AFG2A: variants seen among roughly 807,000 people sequenced by gnomAD.
The protein encoded by AFG2A is AAA ATPase AFG2A, also known as ATPase family gene 2 protein homolog A.
At chr4:123,197,934 G>A in the AFG2A span, among the ~76,000 whole-genome samples, 1 of 152,004 alleles carries the variant, frequency 6.6e-6, no homozygotes, top group African/African-American at 2.4e-5. Flanking sequence ...AACGTTAATA[G>A]AAACAGATTT....
chr4:122,987,226 C>T, the AFG2A span, among the ~76,000 whole-genome samples: 10 of 151,986 alleles, frequency 6.6e-5, no homozygotes, highest in Admixed American at 6.6e-4. Flanking sequence ...GAGCTGAAGA[C>T]TCTATTTTGA....
the AFG2A span, among the ~76,000 whole-genome samples, chr4:122,999,595 G>T: frequency 6.6e-6 from 1 of 151,632 alleles, no homozygotes; most frequent in Non-Finnish European, 1.5e-5. Flanking sequence ...TTTTTCTCAG[G>T]TTTGTCAAAG....
the AFG2A span, among the ~76,000 whole-genome samples, chr4:123,257,307 A>G: frequency 3.9e-5 from 6 of 152,320 alleles, no homozygotes; most frequent in Non-Finnish European, 8.8e-5. Context: ...CAATGGTGCA[A>G]AAGTGGTACA....
chr4:122,993,288 T>G, the AFG2A span, among the ~76,000 whole-genome samples: 1 of 152,102 alleles, frequency 6.6e-6, no homozygotes, highest in Non-Finnish European at 1.5e-5. Flanking sequence ...CCACAGCACC[T>G]AGCCGTCTTT....
chr4:122,975,754 A>T, the AFG2A span, among the ~76,000 whole-genome samples: 1 of 151,988 alleles, frequency 6.6e-6, no homozygotes, highest in Admixed American at 6.6e-5. Context: ...GCATACCAAC[A>T]TCCTTTAAAA....
chr4:123,111,256 A>G, the AFG2A span, among the ~76,000 whole-genome samples: 2 of 152,152 alleles, frequency 1.3e-5, no homozygotes, highest in Admixed American at 6.5e-5. Context: ...GTTTGAGCAT[A>G]TGAGACCTAT....
At chr4:122,956,128 A>C in the AFG2A span, among the ~76,000 whole-genome samples, 1 of 152,192 alleles carries the variant, frequency 6.6e-6, no homozygotes, top group Non-Finnish European at 1.5e-5. Flanking sequence ...CTGTCTGATG[A>C]AGGAAAGAGA....
At chr4:122,947,133 G>A in the AFG2A span, 1 of 1,202,316 alleles carries the variant, frequency 8.3e-7, no homozygotes, top group Admixed American at 3.0e-5. Context: ...AGCCTGGACA[G>A]TTAGATGTTT....
chr4:122,998,806 T>C, the AFG2A span, among the ~76,000 whole-genome samples: 2 of 152,342 alleles, frequency 1.3e-5, no homozygotes, highest in South Asian at 2.1e-4. Flanking sequence ...GCATGATTTA[T>C]AGTCCTTTGG....
chr4:122,960,626 CA>C, the AFG2A span, among the ~76,000 whole-genome samples: 1 of 152,098 alleles, frequency 6.6e-6, no homozygotes, highest in Admixed American at 6.5e-5. Flanking sequence ...GATAAGGTAG[CA>C]TAACAGAACA....
the AFG2A span, among the ~76,000 whole-genome samples, chr4:123,187,165 G>A: frequency 6.6e-6 from 1 of 152,190 alleles, no homozygotes; most frequent in Non-Finnish European, 1.5e-5. Context: ...ACTAAAGGGA[G>A]AAGTCAATGC....
the AFG2A span, among the ~76,000 whole-genome samples, chr4:123,245,509 G>C: frequency 6.6e-6 from 1 of 152,118 alleles, no homozygotes; most frequent in African/African-American, 2.4e-5. Flanking sequence ...ATACTGTTTT[G>C]ACTTGTAAAA....
the AFG2A span, among the ~76,000 whole-genome samples, chr4:123,165,934 A>G: frequency 6.6e-6 from 1 of 152,174 alleles, no homozygotes; most frequent in Admixed American, 6.5e-5. Context: ...ATATTTGTTA[A>G]TATCTGCTCA....
the AFG2A span, chr4:122,928,900 A>G: frequency 9.8e-7 from 1 of 1,020,100 alleles, no homozygotes; most frequent in Non-Finnish European, 1.4e-6. Flanking sequence ...TGCAATTGGT[A>G]TCAGATTGTA....
chr4:123,313,297 C>T, the AFG2A span, among the ~76,000 whole-genome samples: 1 of 152,180 alleles, frequency 6.6e-6, no homozygotes, highest in African/African-American at 2.4e-5. Context: ...TCTAATGCAG[C>T]TCTCCAAAGT....
the AFG2A span, among the ~76,000 whole-genome samples, chr4:122,997,291 C>A: frequency 3.9e-5 from 6 of 152,106 alleles, no homozygotes; most frequent in African/African-American, 9.7e-5. Flanking sequence ...TAAAAAGAAA[C>A]CCTGTGCCCT....
the AFG2A span, among the ~76,000 whole-genome samples, chr4:123,051,907 G>A: frequency 6.6e-6 from 1 of 151,828 alleles, no homozygotes; most frequent in African/African-American, 2.4e-5. Context: ...TATAAATCTT[G>A]GGTTGTTTCT....
At chr4:123,137,507 T>G in the AFG2A span, among the ~76,000 whole-genome samples, 1 of 152,244 alleles carries the variant, frequency 6.6e-6, no homozygotes, top group Non-Finnish European at 1.5e-5. Context: ...TCCTCAGATT[T>G]TAACACAATC....
chr4:123,274,424 T>C, the AFG2A span, among the ~76,000 whole-genome samples: 4 of 151,954 alleles, frequency 2.6e-5, no homozygotes, highest in African/African-American at 4.8e-5. Flanking sequence ...TCTGAAAACA[T>C]TGACTCTTAA....
Sources: gnomAD v4.1 joint callset for allele counts (sites outside exome capture counted in the v4.1 genomes callset) on GRCh38, gnomAD v4.1.1 for gene constraint, MANE v1.5 for transcripts, NCBI Gene and HGNC (gene_info 2026-07-23, HGNC 2026-07-21) for gene names.